CORO2A: variants seen among roughly 807,000 people sequenced by gnomAD.
CORO2A encodes the protein coronin-2A.
CORO2A carries 47 observed loss-of-function variants against 62.4 expected under a neutral mutation model. That is an observed-to-expected ratio of 0.75 (90% CI 0.60 to 0.96). The LOEUF (loss-of-function observed/expected upper bound fraction) is 0.96, where lower values mean the gene tolerates loss of function less well. CORO2A is among the 40% of genes least tolerant of loss of function. The probability of loss-of-function intolerance (pLI) is 0.00; values close to 1 mark genes in which losing one functional copy is unlikely to be tolerated. For synonymous variants in CORO2A, 273 were observed against 268.9 expected, an observed-to-expected ratio of 1.02 and a Z score of -0.15; for missense variants, 610 against 684.1, an observed-to-expected ratio of 0.89 and a Z score of 1.21.
chr9:98,153,688 A>ACACACACT (rs1827760557), intron 2 of CORO2A, among the ~76,000 whole-genome samples: 8 of 149,386 alleles, frequency 5.4e-5, no homozygotes, highest in Admixed American at 1.3e-4. Flanking sequence ...ACACACACAC[A>ACACACACT]CACACTCACA....
intron 10 of CORO2A, 83 bp downstream of exon 10, chr9:98,128,087 C>T: frequency 8.7e-7 from 1 of 1,146,326 alleles, no homozygotes; most frequent in Non-Finnish European, 1.3e-6. Context: ...AAATCCAGGC[C>T]CAACCCCTCT....
chr9:98,130,794 G>A (rs1168435868), intron 7 of CORO2A, among the ~76,000 whole-genome samples, 161 bp downstream of exon 7: 1 of 152,148 alleles, frequency 6.6e-6, no homozygotes, highest in African/African-American at 2.4e-5. Flanking sequence ...GGCTCCAGGT[G>A]TTCCTAGGGA....
intron 1 of CORO2A, among the ~76,000 whole-genome samples, chr9:98,179,551 A>G (rs1828149621): frequency 1.3e-5 from 2 of 152,116 alleles, no homozygotes; most frequent in South Asian, 4.2e-4. Context: ...AAAACCTTCA[A>G]TAGCTTCTCA....
At chr9:98,144,783 G>A (rs1004725398) in intron 2 of CORO2A, among the ~76,000 whole-genome samples, 6 of 152,224 alleles carry the variant, frequency 3.9e-5, no homozygotes, top group South Asian at 4.1e-4. Context: ...AGCAGCCAGC[G>A]GGCACGGTAG....
chr9:98,180,632 T>C (rs1356161483), intron 1 of CORO2A, among the ~76,000 whole-genome samples: 1 of 152,112 alleles, frequency 6.6e-6, no homozygotes, highest in Non-Finnish European at 1.5e-5. Flanking sequence ...CAGTGAACTC[T>C]GTCATTAGGT....
rs1334418377 is a variant in CORO2A at position 98,137,317 on chromosome 9, T to C, written c.318+255A>G. On this transcript the variant is annotated intron_variant, in intron 3 of 11. Coordinates refer to ENST00000375077, the MANE Select transcript of CORO2A (RefSeq NM_052820.4). ...CGGAATATACATTTTCACTGGGCTT[T>C]ATTAGCTGGGTGGAACTATTATGCC... Among the ~76,000 whole-genome samples the C allele has an allele frequency of 3.3e-5, 5 of 152,160 alleles. No individual in the cohort carries two copies. In the East Asian group the frequency reaches 9.6e-4, roughly 29 times the overall value.
At chr9:98,179,107 T>A (rs1053458785) in intron 1 of CORO2A, among the ~76,000 whole-genome samples, 1 of 152,220 alleles carries the variant, frequency 6.6e-6, no homozygotes, top group Non-Finnish European at 1.5e-5. Context: ...CTCAGTTTCC[T>A]CATCTGTAAA....
chr9:98,180,822 G>A (rs1828167036), intron 1 of CORO2A, among the ~76,000 whole-genome samples: 1 of 152,024 alleles, frequency 6.6e-6, no homozygotes, highest in African/African-American at 2.4e-5. Context: ...CACAACCAGA[G>A]ACCCCTCTCC....
At chr9:98,189,537 G>A (rs555835258) in intron 1 of CORO2A, among the ~76,000 whole-genome samples, 3 of 152,232 alleles carry the variant, frequency 2.0e-5, no homozygotes, top group Non-Finnish European at 2.9e-5. Context: ...TTCCAATCTC[G>A]GCTTTGCTAC....
intron 1 of CORO2A, among the ~76,000 whole-genome samples, chr9:98,173,960 T>G (rs1051045960): frequency 4.6e-5 from 7 of 151,942 alleles, no homozygotes; most frequent in African/African-American, 1.7e-4. Context: ...TTACTAAAAA[T>G]ACAAAATTAG....
At chr9:98,170,874 G>C (rs534598307) in intron 1 of CORO2A, among the ~76,000 whole-genome samples, 1 of 152,306 alleles carries the variant, frequency 6.6e-6, no homozygotes, top group East Asian at 1.9e-4. Flanking sequence ...GGTCTGTGGA[G>C]GGTGCTGCAG....
intron 1 of CORO2A, among the ~76,000 whole-genome samples, chr9:98,167,924 T>C (rs1373234016): frequency 6.6e-6 from 1 of 152,208 alleles, no homozygotes; most frequent in Non-Finnish European, 1.5e-5. Context: ...TACAAGAGGA[T>C]TCATTTGAAT....
At chr9:98,159,199 C>T (rs1334792856) in intron 1 of CORO2A, among the ~76,000 whole-genome samples, 4 of 152,294 alleles carry the variant, frequency 2.6e-5, no homozygotes, top group Admixed American at 6.5e-5. Context: ...GCTAGGACTA[C>T]AGGTACATGC....
At chr9:98,153,793 T>G (rs1209656468) in intron 2 of CORO2A, among the ~76,000 whole-genome samples, 1 of 152,094 alleles carries the variant, frequency 6.6e-6, no homozygotes, top group Non-Finnish European at 1.5e-5. Flanking sequence ...TCTGTAGGCT[T>G]GAAATTGCTT....
intron 2 of CORO2A, among the ~76,000 whole-genome samples, chr9:98,140,445 T>G (rs559090506): frequency 6.6e-6 from 1 of 151,734 alleles, no homozygotes; most frequent in African/African-American, 2.4e-5. Flanking sequence ...TGTACTTGTT[T>G]TTTTTTTTTT....
intron 1 of CORO2A, among the ~76,000 whole-genome samples, chr9:98,177,304 G>C (rs1164423679): frequency 6.6e-6 from 1 of 152,118 alleles, no homozygotes; most frequent in Non-Finnish European, 1.5e-5. Flanking sequence ...TCTGTGGATG[G>C]AGGTATTCCC....
At chr9:98,183,534 T>C (rs10818581) in intron 1 of CORO2A, among the ~76,000 whole-genome samples, 16,625 of 152,324 alleles carry the variant, frequency 0.11, 1,095 homozygotes, top group East Asian at 0.22. Context: ...TTATAACTTG[T>C]ATTGCATACA....
intron 2 of CORO2A, among the ~76,000 whole-genome samples, chr9:98,151,004 C>A (rs1827716526): frequency 6.6e-6 from 1 of 152,188 alleles, no homozygotes; most frequent in Non-Finnish European, 1.5e-5. Context: ...TTGTTCTGGC[C>A]AGACAGCTGC....
rs184727713 is a variant in CORO2A, at chr9:98,145,268, C to A, written c.202-7580G>T. 3.3e-4 allele frequency among the ~76,000 whole-genome samples: 50 copies of A among 152,258 alleles called. 1 individual carries two copies. The highest frequency in any genetic ancestry group is 1.2e-3 in the African/African-American group (50 of 41,542). On this transcript the variant is annotated intron_variant, in intron 2 of 11. Coordinates refer to ENST00000375077, the MANE Select transcript of CORO2A (RefSeq NM_052820.4). ...CCTTGTGAATTTGGAGAAAATGTTT[C>A]CTACTTCGAGCCCAGTGTGGCCTCC...
Sources: allele counts gnomAD v4.1 joint callset (sites outside exome capture counted in the v4.1 genomes callset), GRCh38; gene constraint gnomAD v4.1.1; transcripts MANE v1.5; gene names NCBI Gene and HGNC (gene_info 2026-07-23, HGNC 2026-07-21).